MID1: variants seen among roughly 807,000 people sequenced by gnomAD.
MID1 encodes midline 1, also known as E3 ubiquitin-protein ligase Midline-1.
MID1 carries 7 observed loss-of-function variants against 40.4 expected under a neutral mutation model. The ratio of observed to expected loss-of-function variants is 0.17; its 90% CI spans 0.10 to 0.33. MID1 has a LOEUF of 0.33. Ranked by LOEUF, MID1 falls within the 10% of genes least tolerant of loss-of-function variation. The pLI is 1.00. For missense variants in MID1, 367 were observed against 558.5 expected (o/e 0.66, Z 3.46); for synonymous variants, 229 against 221.2 (o/e 1.04, Z -0.31).
chrX:10,790,362 C>T (rs1411378510), intron 1 of MID1, among the ~76,000 whole-genome samples: 1 of 108,924 alleles, frequency 9.2e-6, no homozygotes, highest in Non-Finnish European at 1.9e-5. Flanking sequence ...TTGCCCAGGC[C>T]GTGCTCTGCT....
chrX:10,782,708 T>G (rs1186125906), intron 1 of MID1, among the ~76,000 whole-genome samples: 1 of 112,449 alleles, frequency 8.9e-6, no homozygotes, highest in Admixed American at 9.4e-5. Flanking sequence ...GTTTTAAAAT[T>G]TTGTAGCTTT....
At chrX:10,584,744 C>T (rs1280537035) in intron 1 of MID1, among the ~76,000 whole-genome samples, 3 of 112,010 alleles carry the variant, frequency 2.7e-5, no homozygotes, top group Non-Finnish European at 5.6e-5. Flanking sequence ...TTTTAGAGCC[C>T]ATCACTTTAA....
At chrX:10,758,349 T>C (rs1336804154) in intron 1 of MID1, among the ~76,000 whole-genome samples, 5 of 109,466 alleles carry the variant, frequency 4.6e-5, no homozygotes, top group Middle Eastern at 4.7e-3. Flanking sequence ...TTGTTCTAAA[T>C]AGGTTTATTT....
chrX:10,522,340 G>A (rs1052135782), intron 3 of MID1, among the ~76,000 whole-genome samples: 1 of 112,103 alleles, frequency 8.9e-6, no homozygotes, highest in East Asian at 2.8e-4. Flanking sequence ...AATGGGAAGA[G>A]GCAAGGAAGG....
chrX:10,665,399 A>C lies in MID1; in HGVS notation c.-186-44980T>G, dbSNP rs190622893. Among the ~76,000 whole-genome samples, 7 of 111,704 alleles carry C rather than the reference A, an allele frequency of 6.3e-5. No homozygotes were observed. The East Asian group carries it at 1.4e-3, about 22-fold the overall frequency. On this transcript the variant is annotated intron_variant, in intron 1 of 10. Transcript: ENST00000380785. ...AAGTCAAGCTAGAGTCTGGAGGTGA[A>C]TTCGGCTGGTTCTTTTACACACGAA...
intron 1 of MID1, among the ~76,000 whole-genome samples, chrX:10,790,543 T>C (rs757997754): frequency 9.0e-6 from 1 of 110,515 alleles, no homozygotes; most frequent in Non-Finnish European, 1.9e-5. Flanking sequence ...TTCATCCGCT[T>C]TCCTACTTGG....
intron 5 of MID1, among the ~76,000 whole-genome samples, chrX:10,478,838 C>A (rs1045765299): frequency 8.9e-6 from 1 of 111,859 alleles, no homozygotes; most frequent in Non-Finnish European, 1.9e-5. Context: ...AGAATGCCTG[C>A]GGGATTAAAA....
intron 1 of MID1, among the ~76,000 whole-genome samples, chrX:10,825,875 G>T: frequency 9.0e-6 from 1 of 111,332 alleles, no homozygotes; most frequent in East Asian, 2.8e-4. Flanking sequence ...GGGTTATAAT[G>T]GTAACTCACA....
intron 1 of MID1, among the ~76,000 whole-genome samples, chrX:10,660,904 C>T (rs890581659): frequency 2.7e-4 from 30 of 111,734 alleles, no homozygotes; most frequent in African/African-American, 8.4e-4. Flanking sequence ...TGTTTGAAAG[C>T]GACACAGAGT....
chrX:10,552,799 C>T (rs1171127326), intron 2 of MID1, among the ~76,000 whole-genome samples: 3 of 111,322 alleles, frequency 2.7e-5, no homozygotes. Flanking sequence ...TCCTAGGGGA[C>T]AAGCATTATG....
intron 1 of MID1, among the ~76,000 whole-genome samples, chrX:10,829,167 T>C (rs1035141062): frequency 4.5e-5 from 5 of 112,251 alleles, no homozygotes; most frequent in Non-Finnish European, 9.4e-5. Context: ...CAGATATAAA[T>C]AACTGCACAA....
At chrX:10,675,864 C>T (rs768511761) in intron 1 of MID1, among the ~76,000 whole-genome samples, 4 of 111,189 alleles carry the variant, frequency 3.6e-5, no homozygotes, top group Non-Finnish European at 7.5e-5. Flanking sequence ...AGGGCAGCTT[C>T]CTCATTTCTT....
intron 7 of MID1, 116 bp downstream of exon 7, chrX:10,469,581 A>T: frequency 8.3e-7 from 1 of 1,209,709 alleles, no homozygotes; most frequent in South Asian, 1.8e-5. Flanking sequence ...AAGACAAGTC[A>T]ATAAATATTG....
At chrX:10,790,770 A>G (rs1415628346) in intron 1 of MID1, among the ~76,000 whole-genome samples, 1 of 112,201 alleles carries the variant, frequency 8.9e-6, no homozygotes, top group Non-Finnish European at 1.9e-5. Context: ...TTTCTTTTCC[A>G]GTCAACACCC....
chrX:10,589,060 C>T (rs764321761), intron 1 of MID1, among the ~76,000 whole-genome samples: 18 of 111,650 alleles, frequency 1.6e-4, no homozygotes, highest in East Asian at 8.4e-4. Flanking sequence ...TCACACCACA[C>T]GCACACCACA....
intron 2 of MID1, among the ~76,000 whole-genome samples, chrX:10,557,668 C>T (rs770584228): frequency 3.6e-5 from 4 of 112,040 alleles, no homozygotes; most frequent in Non-Finnish European, 5.6e-5. Context: ...AGTGGGCATT[C>T]GGAGGTTTGA....
chrX:10,636,784 GGATATATA>G (rs1936117043), intron 1 of MID1, among the ~76,000 whole-genome samples: 1 of 12,158 alleles, frequency 8.2e-5, no homozygotes, highest in African/African-American at 4.3e-4. Context: ...CCAACAATGG[GGATATATA>G]TATATATATA....
Position 10,664,752 on chromosome X carries a change from C to T in MID1, c.-186-44333G>A, listed in dbSNP as rs778621130. 2.7e-5 allele frequency among the ~76,000 whole-genome samples: 3 copies of T among 111,710 alleles called. No individual in the cohort carries two copies. In the East Asian group the frequency reaches 8.4e-4, roughly 31 times the overall value. Reference sequence around the variant, plus strand: ...TCTTAACTTGAGCTGGTAAAGCCTCCGTGATGGCTCCTGGTAGTTACTAAA... The same window carrying T: ...TCTTAACTTGAGCTGGTAAAGCCTCTGTGATGGCTCCTGGTAGTTACTAAA... On this transcript the variant is annotated intron_variant, in intron 1 of 10. Transcript: ENST00000380785.
chrX:10,701,351 A>C (rs1290928231), intron 1 of MID1, among the ~76,000 whole-genome samples: 1 of 112,006 alleles, frequency 8.9e-6, no homozygotes, highest in Non-Finnish European at 1.9e-5. Context: ...ACAGTGGCCA[A>C]AGTCTGCTCA....
Sources: allele counts gnomAD v4.1 joint callset (sites outside exome capture counted in the v4.1 genomes callset), GRCh38; gene constraint gnomAD v4.1.1; transcripts MANE v1.5; gene names NCBI Gene and HGNC (gene_info 2026-07-23, HGNC 2026-07-21).